The following STKLD1 variants were observed in gnomAD, a reference collection of about 807,000 sequenced individuals.
STKLD1 encodes serine/threonine kinase like domain containing 1.
In STKLD1, 79 loss-of-function variants were observed where a neutral mutation model predicts 80.4. The observed-to-expected ratio is 0.98, with a 90% CI of 0.82 to 1.19. The LOEUF (loss-of-function observed/expected upper bound fraction) is 1.19, where lower values mean the gene tolerates loss of function less well. Ranked by LOEUF, STKLD1 falls within the 50% of genes most tolerant of loss-of-function variation. STKLD1 has a pLI of 0.00. For missense variants in STKLD1, 841 were observed against 856.0 expected (o/e 0.98, Z 0.22); for synonymous variants, 393 against 357.6 (o/e 1.10, Z -1.12).
chr9:133,388,632 A>T, intron 5 of STKLD1: 1 of 481,788 alleles, frequency 2.1e-6, no homozygotes, highest in Non-Finnish European at 2.7e-6. Context: ...TCTTATGGTT[A>T]GTGCCTTTGG....
intron 4 of STKLD1, 56 bp from the exon 5 acceptor site, chr9:133,387,391 C>T: frequency 6.9e-7 from 1 of 1,451,944 alleles, no homozygotes; most frequent in Non-Finnish European, 9.6e-7. Context: ...GCAGGTGAGC[C>T]TGCAGAAGCA....
chr9:133,387,723 C>T (rs2130280546), intron 5 of STKLD1, 175 bp downstream of exon 5: 1 of 696,058 alleles, frequency 1.4e-6, no homozygotes, highest in Non-Finnish European at 2.6e-6. Flanking sequence ...ATCTTAAGTG[C>T]ACAGTTTGAT....
chr9:133,401,667 G>C (rs1048157783), intron 12 of STKLD1, 71 bp from the exon 13 acceptor site: 1 of 1,272,640 alleles, frequency 7.9e-7, no homozygotes, highest in Non-Finnish European at 1.1e-6. Flanking sequence ...CCCAGCCTGT[G>C]AGCCTTGTGT....
chr9:133,404,801 T>C lies in STKLD1; in HGVS notation c.1745T>C (p.Phe582Ser). The C allele has an allele frequency of 6.2e-7, 1 of 1,612,750 alleles. No homozygotes were observed. ...SLVKVSELAA[F>S]KVVVQEEGGS... Reference sequence around the variant, plus strand: ...ACCCATCCCCCAGAGCTGGCGGCCTTCAAGGTGGTGGTGCAGGAGGAGGGC... The same window carrying C: ...ACCCATCCCCCAGAGCTGGCGGCCTCCAAGGTGGTGGTGCAGGAGGAGGGC... Residue 582 changes from phenylalanine to serine, a missense_variant, in exon 17 of 18, where the codon TTC becomes TCC. Transcript: ENST00000371957.
chr9:133,387,404 G>A (rs2130279416), intron 4 of STKLD1, 43 bp from the exon 5 acceptor site: 94 of 1,543,916 alleles, frequency 6.1e-5, no homozygotes, highest in Non-Finnish European at 2.9e-5. Context: ...CAGAAGCACC[G>A]GGGCCTGGGC....
At chr9:133,378,547 G>A (rs1451723414) in intron 1 of STKLD1, among the ~76,000 whole-genome samples, 4 of 152,260 alleles carry the variant, frequency 2.6e-5, no homozygotes, top group Admixed American at 6.5e-5. Context: ...TTTCCCCAAT[G>A]TAAACACAGA....
intron 2 of STKLD1, among the ~76,000 whole-genome samples, chr9:133,379,829 A>G (rs2130261764): frequency 6.6e-6 from 1 of 152,318 alleles, no homozygotes. Flanking sequence ...CAGCAGGTTC[A>G]GGGCTGGCCA....
At chr9:133,391,370 G>A (rs1344461399) in intron 7 of STKLD1, among the ~76,000 whole-genome samples, 4 of 151,302 alleles carry the variant, frequency 2.6e-5, no homozygotes, top group Non-Finnish European at 4.4e-5. Context: ...GGTGTGCCCA[G>A]CAGCTCATTG....
intron 2 of STKLD1, among the ~76,000 whole-genome samples, chr9:133,382,922 G>C (rs972748832): frequency 1.9e-4 from 28 of 150,542 alleles, no homozygotes; most frequent in African/African-American, 6.8e-4. Flanking sequence ...TGATGATGGG[G>C]ATAATAGTGG....
In STKLD1 at chr9:133,394,666, C is replaced by T; in HGVS notation, c.702+257C>T. 1 of 480,360 alleles carries T rather than the reference C, an allele frequency of 2.1e-6. No individual in the cohort carries two copies. The allele number at this position is 480,360 out of a possible 1,614,324, so 29.8% of individuals were successfully genotyped here. A position where few individuals can be genotyped will look rare whatever the true frequency, so the allele number is the denominator to read the frequency against. ...CATCCCACGCGACCCTCGCAGCAGC[C>T]CTCCAGGTGGTGTCACTGACTCTTG... On this transcript the variant is annotated intron_variant, in intron 8 of 17. Coordinates refer to ENST00000371957, the MANE Select transcript of STKLD1 (RefSeq NM_153710.5). This position sits in a 1 kb window ranked among gnomAD's most constrained non-coding sequence, Gnocchi z 4.9.
At chr9:133,391,689 AC>A (rs1393855639) in intron 7 of STKLD1, among the ~76,000 whole-genome samples, 4 of 151,542 alleles carry the variant, frequency 2.6e-5, no homozygotes, top group Non-Finnish European at 2.9e-5. Context: ...AGTCATCACC[AC>A]TCCCTAATCT....
chr9:133,393,191 C>CATGGATGG (rs1276349804), intron 7 of STKLD1, among the ~76,000 whole-genome samples: 30,042 of 90,474 alleles, frequency 0.33, 5,444 homozygotes, highest in South Asian at 0.39. Context: ...TGGATGAGTG[C>CATGGATGG]ATGGATGGAT....
chr9:133,383,589 A>G (rs972675230), intron 2 of STKLD1, among the ~76,000 whole-genome samples: 10,235 of 146,832 alleles, frequency 0.07, 427 homozygotes, highest in Non-Finnish European at 0.09. Flanking sequence ...GATAGTGTTG[A>G]TGGTGGTGGT....
intron 4 of STKLD1, among the ~76,000 whole-genome samples, chr9:133,387,119 G>A (rs2130278828): frequency 7.2e-5 from 11 of 152,290 alleles, no homozygotes; most frequent in African/African-American, 2.4e-4. Flanking sequence ...GCCCTAAAGG[G>A]TGCATAGTTA....
chr9:133,381,953 A>G (rs1211227358), intron 2 of STKLD1, among the ~76,000 whole-genome samples: 1 of 152,140 alleles, frequency 6.6e-6, no homozygotes, highest in Non-Finnish European at 1.5e-5. Context: ...CATTCACCCC[A>G]TTATAAGAGT....
At position 133,385,351 on chromosome 9, in the gene STKLD1, C is replaced by T. The variant is rs1400919923; in HGVS notation, c.220-266C>T. On this transcript the variant is annotated intron_variant, in intron 3 of 17. Coordinates refer to ENST00000371957, the MANE Select transcript of STKLD1 (RefSeq NM_153710.5). This position sits in a 1 kb window ranked among gnomAD's most constrained non-coding sequence, Gnocchi z 4.9. ...ACAGCTCACTCACCCCCCATGGTAT[C>T]CCTGTGAGGCAGATTCCACTAGGAC... Among the ~76,000 whole-genome samples, 1 of 152,176 alleles carries T rather than the reference C, an allele frequency of 6.6e-6. No homozygotes were observed. The highest frequency in any genetic ancestry group is 1.5e-5 in the Non-Finnish European group (1 of 68,030).
At position 133,390,349 on chromosome 9, in the gene STKLD1, A is replaced by G. The variant is rs1838361626; in HGVS notation, c.468-332A>G. On this transcript the variant is annotated intron_variant, in intron 6 of 17. Transcript: ENST00000371957. This position sits in a 1 kb window ranked among gnomAD's most constrained non-coding sequence, Gnocchi z 5.1. ...ATGGCCAAAAATCAATCCCCAGGCA[A>G]ACGTGTAGCTGAGATATCTAAGGAG... 6.6e-6 allele frequency among the ~76,000 whole-genome samples: 1 copy of G among 152,236 alleles called. No individual in the cohort carries two copies. The highest frequency in any genetic ancestry group is 1.9e-4 in the East Asian group (1 of 5,174).
chr9:133,385,728 C>T lies in STKLD1; in HGVS notation c.294+37C>T, dbSNP rs2130275418. ...CTGACACCTACGGGCTCAGCCGCCA[C>T]GCAGTGGGCTGCAGGACCAAGCAGA... On this transcript the variant is annotated intron_variant, in intron 4 of 17. Coordinates refer to ENST00000371957, the MANE Select transcript of STKLD1 (RefSeq NM_153710.5). The surrounding 1 kb of genome is among the most constrained non-coding windows in gnomAD (Gnocchi z 4.9). 17 of 1,593,848 alleles carry T rather than the reference C, an allele frequency of 1.1e-5. No homozygotes were observed. In the African/African-American group the frequency reaches 1.2e-4, roughly 11 times the overall value.
intron 4 of STKLD1, among the ~76,000 whole-genome samples, chr9:133,386,757 G>C (rs2130278120): frequency 1.3e-5 from 2 of 152,366 alleles, no homozygotes; most frequent in South Asian, 4.1e-4. Context: ...GACAGCGGGA[G>C]GCTGAGCAGG....
Sources: allele counts gnomAD v4.1 joint callset (sites outside exome capture counted in the v4.1 genomes callset), GRCh38; gene constraint gnomAD v4.1.1; non-coding constraint Gnocchi (gnomAD v3.1); transcripts MANE v1.5; gene names NCBI Gene and HGNC (gene_info 2026-07-23, HGNC 2026-07-21).